The following C11orf65 variants were observed in gnomAD, a reference collection of about 807,000 sequenced individuals.
C11orf65 encodes protein MFI.
In C11orf65, 38 loss-of-function variants were observed where a neutral mutation model predicts 35.3. The observed-to-expected ratio is 1.08, with a 90% CI of 0.83 to 1.41. C11orf65 has a LOEUF of 1.41. Among genes scored for constraint, C11orf65 ranks in the 40% most tolerant of loss-of-function variants. The pLI is 0.00. For missense variants in C11orf65, 370 were observed against 367.1 expected, an observed-to-expected ratio of 1.01 and a Z score of -0.06; for synonymous variants, 105 against 114.4, an observed-to-expected ratio of 0.92 and a Z score of 0.53.
At chr11:108,425,455 T>C (rs374179866) in intron 3 of C11orf65, among the ~76,000 whole-genome samples, 1 of 152,122 alleles carries the variant, frequency 6.6e-6, no homozygotes, top group African/African-American at 2.4e-5. Flanking sequence ...CAGGAAGAAG[T>C]CAAATCCCTG....
intron 2 of C11orf65, chr11:108,343,184 C>A (rs1328855134): frequency 1.9e-6 from 3 of 1,612,810 alleles, no homozygotes; most frequent in Non-Finnish European, 2.5e-6. Flanking sequence ...TCTTTAATGG[C>A]CTTTTAAAAT....
In C11orf65 at chr11:108,354,070, A is replaced by ACACACACAC. The variant is rs2089570249; in HGVS notation, c.227-18779_227-18778insGTGTGTGTG. Among the ~76,000 whole-genome samples, 226 of 114,946 alleles carry ACACACACAC rather than the reference A, an allele frequency of 2.0e-3. 2 individuals carry two copies. The highest frequency in any genetic ancestry group is 3.1e-3 in the African/African-American group (105 of 33,844). 75.4% of individuals were successfully genotyped at this position (114,946 alleles called of 152,430 possible). On this transcript the variant is annotated intron_variant, in intron 2 of 3. Coordinates refer to the C11orf65 transcript ENST00000524755. ...GTATCTAAAAAAATACACACACACA[A>ACACACACAC]ACACACACACACACACACACACACA...
intron 1 of C11orf65, among the ~76,000 whole-genome samples, chr11:108,463,761 T>A (rs1057043038): frequency 6.6e-6 from 1 of 152,124 alleles, no homozygotes; most frequent in Admixed American, 6.6e-5. Flanking sequence ...TAAATCATAT[T>A]ATTATAATAC....
At chr11:108,411,167 T>C (rs945001811) in intron 3 of C11orf65, among the ~76,000 whole-genome samples, 1 of 152,222 alleles carries the variant, frequency 6.6e-6, no homozygotes, top group African/African-American at 2.4e-5. Flanking sequence ...TCCACATGTT[T>C]TGATGTCACA....
intron 1 of C11orf65, among the ~76,000 whole-genome samples, chr11:108,464,699 T>C (rs2093513714): frequency 6.6e-6 from 1 of 152,136 alleles, no homozygotes. Context: ...GAAAGGGATA[T>C]GAGAAATTAC....
At chr11:108,438,348 T>C (rs772638976) in intron 2 of C11orf65, among the ~76,000 whole-genome samples, 23 of 151,882 alleles carry the variant, frequency 1.5e-4, no homozygotes, top group Non-Finnish European at 3.4e-4. Context: ...GGTCAGGAGT[T>C]TGAGACCAGC....
chr11:108,449,851 C>T (rs1284561687), intron 2 of C11orf65, among the ~76,000 whole-genome samples: 1 of 151,922 alleles, frequency 6.6e-6, no homozygotes, highest in East Asian at 1.9e-4. Context: ...GAACAGGCGA[C>T]CTACAAAATG....
At chr11:108,341,939 A>G (rs936387432) in intron 2 of C11orf65, among the ~76,000 whole-genome samples, 4 of 152,232 alleles carry the variant, frequency 2.6e-5, no homozygotes, top group African/African-American at 9.6e-5. Flanking sequence ...GTGAAGATGT[A>G]TCTCTGGCTC....
At chr11:108,388,202 CACTT>C (rs1459692862) in intron 7 of C11orf65, among the ~76,000 whole-genome samples, 1 of 152,172 alleles carries the variant, frequency 6.6e-6, no homozygotes, top group Non-Finnish European at 1.5e-5. Flanking sequence ...GGGGCACAAA[CACTT>C]ACCATAGCTA....
At chr11:108,389,688 G>A (rs1433709165) in intron 7 of C11orf65, among the ~76,000 whole-genome samples, 4 of 151,962 alleles carry the variant, frequency 2.6e-5, no homozygotes, top group African/African-American at 9.7e-5. Flanking sequence ...GTTTTGCTCT[G>A]TTTTGTTTTG....
chr11:108,431,682 T>C, intron 3 of C11orf65, 64 bp downstream of exon 3: 1 of 851,188 alleles, frequency 1.2e-6, no homozygotes, highest in East Asian at 2.7e-5. Flanking sequence ...GCACACTGAA[T>C]TGATAAAGTA....
intron 1 of C11orf65, among the ~76,000 whole-genome samples, chr11:108,464,517 G>A (rs752366984): frequency 1.3e-5 from 2 of 151,982 alleles, no homozygotes; most frequent in South Asian, 2.1e-4. Context: ...GTGCACCACC[G>A]TGCCCAGTTA....
At chr11:108,463,614 T>TC (rs2093498200) in intron 1 of C11orf65, among the ~76,000 whole-genome samples, 1 of 152,160 alleles carries the variant, frequency 6.6e-6, no homozygotes, top group African/African-American at 2.4e-5. Context: ...CGAAGTTACT[T>TC]AACTCACTCA....
At chr11:108,432,294 T>C (rs10890837) in intron 2 of C11orf65, among the ~76,000 whole-genome samples, 27,704 of 152,140 alleles carry the variant, frequency 0.18, 2,890 homozygotes, top group African/African-American at 0.27. Context: ...AGTAGCCATC[T>C]CATACAGCTT....
chr11:108,372,679 A>G (rs998605321), intron 2 of C11orf65, among the ~76,000 whole-genome samples: 8 of 152,238 alleles, frequency 5.3e-5, no homozygotes, highest in Non-Finnish European at 8.8e-5. Flanking sequence ...CACAGAAAAT[A>G]ATTGTGGTAA....
chr11:108,449,428 C>T lies in C11orf65; in HGVS notation c.81+12051G>A, dbSNP rs1292614120. ...AACCAAAACAGCATGGTACTGGTACCAAAACAGAGATATAGATCAATGGAG... is the reference window on the plus strand; with the variant it reads ...AACCAAAACAGCATGGTACTGGTACTAAAACAGAGATATAGATCAATGGAG... On this transcript the variant is annotated intron_variant, in intron 2 of 8. Transcript: ENST00000393084. 2.0e-5 allele frequency among the ~76,000 whole-genome samples: 3 copies of T among 151,834 alleles called. 1 individual carries two copies. Among genetic ancestry groups the T allele is most frequent in the African/African-American group, 7.3e-5 (3 of 41,194 alleles).
At chr11:108,363,520 G>A (rs1049410730) in intron 2 of C11orf65, among the ~76,000 whole-genome samples, 1 of 152,150 alleles carries the variant, frequency 6.6e-6, no homozygotes, top group Non-Finnish European at 1.5e-5. Flanking sequence ...ATGTCTGGAG[G>A]CATTTTTATT....
At chr11:108,430,705 C>T (rs1329929600) in intron 3 of C11orf65, among the ~76,000 whole-genome samples, 1 of 151,836 alleles carries the variant, frequency 6.6e-6, no homozygotes, top group Non-Finnish European at 1.5e-5. Context: ...ATTAGCTGGA[C>T]GCGGTGGCAT....
intron 6 of C11orf65, among the ~76,000 whole-genome samples, chr11:108,310,628 T>G (rs927693305): frequency 6.6e-6 from 1 of 152,092 alleles, no homozygotes; most frequent in Non-Finnish European, 1.5e-5. Context: ...AATTTAAGGG[T>G]GATAAATATT....
Sources: allele counts gnomAD v4.1 joint callset (sites outside exome capture counted in the v4.1 genomes callset), GRCh38; gene constraint gnomAD v4.1.1; transcripts MANE v1.5; gene names NCBI Gene and HGNC (gene_info 2026-07-23, HGNC 2026-07-21).